Variants in TP53BP2 observed in about 807,000 individuals in gnomAD.
TP53BP2 encodes the protein apoptosis-stimulating of p53 protein 2.
A neutral mutation model predicts 126.2 loss-of-function variants in TP53BP2; 62 were observed. The observed-to-expected ratio is 0.49, with a 90% CI of 0.40 to 0.61. The LOEUF (loss-of-function observed/expected upper bound fraction) is 0.61. Among genes scored for constraint, TP53BP2 ranks in the 20% least tolerant of loss-of-function variants. TP53BP2 has a pLI of 0.00. For missense variants in TP53BP2, 1,215 were observed against 1,402.8 expected, an observed-to-expected ratio of 0.87 and a Z score of 2.14; for synonymous variants, 485 against 502.9, an observed-to-expected ratio of 0.96 and a Z score of 0.48.
intron 2 of TP53BP2, among the ~76,000 whole-genome samples, chr1:223,817,355 G>A (rs1663124512): frequency 3.0e-5 from 1 of 33,266 alleles, no homozygotes; most frequent in African/African-American, 1.3e-4. Context: ...GGAGGAGGGG[G>A]AGGGAAAGGA....
chr1:223,816,252 A>T (rs1211964778), intron 2 of TP53BP2, among the ~76,000 whole-genome samples: 1 of 152,260 alleles, frequency 6.6e-6, no homozygotes, highest in Non-Finnish European at 1.5e-5. Flanking sequence ...TGCAGTCCCT[A>T]GCACATAACA....
intron 8 of TP53BP2, 23 bp from the exon 9 acceptor site, chr1:223,802,367 T>C (rs892545144): frequency 1.6e-5 from 25 of 1,599,962 alleles, no homozygotes; most frequent in African/African-American, 4.0e-5. Flanking sequence ...GCACAGGTCC[T>C]TTAGTATTAA....
In TP53BP2 at chr1:223,802,355, A is replaced by C. The variant is rs372675119; in HGVS notation, c.997-11T>G. On this transcript the variant is annotated splice_polypyrimidine_tract_variant and intron_variant, in intron 8 of 17. Coordinates refer to ENST00000343537, the MANE Select transcript of TP53BP2 (RefSeq NM_001031685.3). Reference sequence around the variant, plus strand: ...TCCATCAGATGAAACCTTAGGAAAGAAGCACAGGTCCTTTAGTATTAAAAA... The same window carrying C: ...TCCATCAGATGAAACCTTAGGAAAGCAGCACAGGTCCTTTAGTATTAAAAA... 15 of 1,611,820 alleles carry C rather than the reference A, an allele frequency of 9.3e-6. No individual in the cohort carries two copies. The highest frequency in any genetic ancestry group is 1.3e-5 in the Non-Finnish European group (15 of 1,178,544).
At chr1:223,786,585 T>TGTGTGTGC (rs1661966636) in intron 16 of TP53BP2, among the ~76,000 whole-genome samples, 1 of 148,218 alleles carries the variant, frequency 6.7e-6, no homozygotes, top group South Asian at 2.1e-4. Context: ...TGTGTGCGTG[T>TGTGTGTGC]GTGTGTGTGT....
intron 2 of TP53BP2, among the ~76,000 whole-genome samples, chr1:223,816,229 C>T (rs1663081359): frequency 6.6e-6 from 1 of 152,104 alleles, no homozygotes; most frequent in South Asian, 2.1e-4. Flanking sequence ...TCTCTGTATC[C>T]CTCTCAATCA....
At chr1:223,781,256 C>G (rs1168540780) in intron 17 of TP53BP2, among the ~76,000 whole-genome samples, 1 of 152,214 alleles carries the variant, frequency 6.6e-6, no homozygotes, top group African/African-American at 2.4e-5. Flanking sequence ...GCTCTATGCT[C>G]CAGCATTTGG....
chr1:223,816,251 T>C (rs1436065643), intron 2 of TP53BP2, among the ~76,000 whole-genome samples: 1 of 152,182 alleles, frequency 6.6e-6, no homozygotes, highest in South Asian at 2.1e-4. Context: ...GTGCAGTCCC[T>C]AGCACATAAC....
intron 1 of TP53BP2, among the ~76,000 whole-genome samples, chr1:223,829,212 T>C (rs1331148451): frequency 3.3e-5 from 5 of 152,082 alleles, no homozygotes; most frequent in African/African-American, 1.2e-4. Flanking sequence ...CGTATACCTA[T>C]AGTCCAAGCT....
chr1:223,833,517 A>G (rs1393409858), intron 1 of TP53BP2, among the ~76,000 whole-genome samples: 2 of 152,184 alleles, frequency 1.3e-5, no homozygotes, highest in Non-Finnish European at 2.9e-5. Flanking sequence ...AACATTCTGG[A>G]AAAAAATGAT....
chr1:223,800,545 C>G (rs1224271394), intron 10 of TP53BP2, among the ~76,000 whole-genome samples, 155 bp downstream of exon 10: 1 of 152,100 alleles, frequency 6.6e-6, no homozygotes, highest in Non-Finnish European at 1.5e-5. Flanking sequence ...GAGCGCACCA[C>G]TGCACTCCAG....
At chr1:223,832,247 T>G (rs1291166909) in intron 1 of TP53BP2, among the ~76,000 whole-genome samples, 1 of 152,138 alleles carries the variant, frequency 6.6e-6, no homozygotes, top group Non-Finnish European at 1.5e-5. Context: ...ATCCTTCAAG[T>G]TTACCTAAGA....
Position 223,796,242 on chromosome 1 carries a change from G to A in TP53BP2, c.2297C>T (p.Ala766Val), listed in dbSNP as rs377715637. 9 of 1,613,952 alleles carry A rather than the reference G, an allele frequency of 5.6e-6. No individual in the cohort carries two copies. The highest frequency in any genetic ancestry group is 3.3e-5 in the Admixed American group (2 of 59,986). ...TGGGACAGAGATGGTCTCCATGGCC[G>A]CTATGGTGGTCCTCTGATATAAAAG... is the stretch of plus-strand genomic sequence containing the variant. ...QKLLYQRTTI[A>V]AMETISVPSY... The change falls in exon 13 of 18, where the codon GCG becomes GTG. Residue 766 changes from alanine (A) to valine (V), a missense_variant. Physicochemically the swap from Ala to Val is moderately conservative, Grantham distance 64 (BLOSUM62 0). Transcript: ENST00000343537. This position sits in a 1 kb window ranked among gnomAD's most constrained non-coding sequence, Gnocchi z 4.2.
chr1:223,800,644 A>C, intron 10 of TP53BP2, 56 bp downstream of exon 10: 5 of 1,261,582 alleles, frequency 4.0e-6, no homozygotes, highest in Non-Finnish European at 5.6e-6. Context: ...AAGAATACAC[A>C]GCACCTTTCA....
At chr1:223,816,701 A>G (rs770227102) in intron 2 of TP53BP2, among the ~76,000 whole-genome samples, 1 of 152,200 alleles carries the variant, frequency 6.6e-6, no homozygotes, top group Non-Finnish European at 1.5e-5. Context: ...AAAGGGTATG[A>G]ACTGATATAA....
In TP53BP2 at chr1:223,782,877, T is replaced by C. The variant is rs144310067; in HGVS notation, c.3363+1238A>G. Reference sequence around the variant, plus strand: ...CTAATCATCTATTCAAAACTTATTATGAAATGGTTATTTCATAATAAATTT... The same window carrying C: ...CTAATCATCTATTCAAAACTTATTACGAAATGGTTATTTCATAATAAATTT... On this transcript the variant is annotated intron_variant, in intron 17 of 17. Transcript: ENST00000343537. Among the ~76,000 whole-genome samples the C allele has an allele frequency of 7.0e-3, 1,060 of 152,364 alleles. 13 individuals are homozygous for C. Among genetic ancestry groups the C allele is most frequent in the African/African-American group, 0.024 (1,004 of 41,586 alleles).
intron 10 of TP53BP2, among the ~76,000 whole-genome samples, 166 bp downstream of exon 10, chr1:223,800,534 T>G (rs900427550): frequency 6.6e-6 from 1 of 152,052 alleles, no homozygotes; most frequent in South Asian, 2.1e-4. Context: ...CAGTGAGCCA[T>G]GAGCGCACCA....
chr1:223,807,500 T>TA (rs11398948), intron 4 of TP53BP2, among the ~76,000 whole-genome samples: 5,832 of 151,498 alleles, frequency 0.038, 369 homozygotes, highest in African/African-American at 0.13. Flanking sequence ...TCCAGATTGG[T>TA]AAAAAAGAAG....
chr1:223,802,259 G>A lies in TP53BP2; in HGVS notation c.1082C>T (p.Thr361Ile). The A allele has an allele frequency of 6.2e-7, 1 of 1,614,228 alleles. No homozygotes were observed. Among genetic ancestry groups the A allele is most frequent in the Non-Finnish European group, 8.5e-7 (1 of 1,180,050 alleles). Residue 361 changes from threonine to isoleucine, a missense_variant, in exon 9 of 18, where the codon ACT becomes ATT. Physicochemically the swap from Thr to Ile is moderately conservative, Grantham distance 89. Transcript: ENST00000343537. ...AGGCCTTGAGGGCATCCGAGGCATA[G>A]TAGACGACTGGATATAGGGACCTAC... ...AAVGPYIQSS[T>I]MPRMPSRPEL...
intron 1 of TP53BP2, chr1:223,845,230 A>AGTACCG: frequency 1.0e-6 from 1 of 985,018 alleles, no homozygotes; most frequent in South Asian, 4.7e-5. Context: ...AACAAAGCAA[A>AGTACCG]GGTACCCGTT....
Sources: gnomAD v4.1 joint callset for allele counts (sites outside exome capture counted in the v4.1 genomes callset) on GRCh38, gnomAD v4.1.1 for gene constraint, Gnocchi (gnomAD v3.1) non-coding constraint, MANE v1.5 for transcripts, NCBI Gene and HGNC (gene_info 2026-07-23, HGNC 2026-07-21) for gene names.